PHACTR1: variants seen among roughly 807,000 people sequenced by gnomAD.
PHACTR1 encodes RPEL repeat containing 1.
In PHACTR1, 16 loss-of-function variants were observed where a neutral mutation model predicts 69.2. The observed-to-expected ratio is 0.23, with a 90% CI of 0.16 to 0.35. The LOEUF (loss-of-function observed/expected upper bound fraction) is 0.35. Ranked by LOEUF, PHACTR1 falls within the 10% of genes least tolerant of loss-of-function variation. PHACTR1 has a pLI of 1.00. For missense variants in PHACTR1, 510 were observed against 734.7 expected (o/e 0.69, Z 3.54); for synonymous variants, 312 against 284.5 (o/e 1.10, Z -0.97).
chr6:13,046,442 G>A (rs1805062531), intron 4 of PHACTR1, among the ~76,000 whole-genome samples: 1 of 152,148 alleles, frequency 6.6e-6, no homozygotes. Flanking sequence ...GATGCTAAGG[G>A]ATGGGGTGGA....
At chr6:13,003,972 TATATATACAC>T (rs1562120097) in intron 4 of PHACTR1, among the ~76,000 whole-genome samples, 12 of 132,534 alleles carry the variant, frequency 9.1e-5, no homozygotes, top group Non-Finnish European at 1.6e-4. Flanking sequence ...TATGTATATA[TATATATACAC>T]ATATATATAT....
At chr6:12,983,179 C>T (rs1795724693) in intron 4 of PHACTR1, among the ~76,000 whole-genome samples, 2 of 152,126 alleles carry the variant, frequency 1.3e-5, no homozygotes, top group African/African-American at 4.8e-5. Context: ...GTGGATAGCA[C>T]TGAAAATACA....
intron 4 of PHACTR1, among the ~76,000 whole-genome samples, chr6:12,791,968 A>G (rs558111432): frequency 6.6e-5 from 10 of 152,316 alleles, no homozygotes; most frequent in Non-Finnish European, 1.0e-4. Flanking sequence ...GAGGGATATA[A>G]AGTAATGGGT....
chr6:13,058,686 A>T (rs1807168452), intron 5 of PHACTR1, among the ~76,000 whole-genome samples: 1 of 152,180 alleles, frequency 6.6e-6, no homozygotes, highest in Non-Finnish European at 1.5e-5. Flanking sequence ...GAGGTCAGGG[A>T]AACTTTCCTA....
At chr6:12,872,338 A>G (rs1782113897) in intron 4 of PHACTR1, among the ~76,000 whole-genome samples, 1 of 152,212 alleles carries the variant, frequency 6.6e-6, no homozygotes, top group African/African-American at 2.4e-5. Flanking sequence ...TTAAAGATGG[A>G]TGATGGATGC....
At chr6:12,844,853 C>T (rs4714913) in intron 4 of PHACTR1, among the ~76,000 whole-genome samples, 28,710 of 151,880 alleles carry the variant, frequency 0.19, 2,915 homozygotes, top group African/African-American at 0.26. Flanking sequence ...AAAAGCAATC[C>T]GTGGGCCTAG....
At chr6:12,942,850 A>C (rs1790193736) in intron 4 of PHACTR1, among the ~76,000 whole-genome samples, 1 of 152,146 alleles carries the variant, frequency 6.6e-6, no homozygotes, top group Non-Finnish European at 1.5e-5. Flanking sequence ...ACATATCCCA[A>C]AGCTCCATAG....
intron 6 of PHACTR1, among the ~76,000 whole-genome samples, chr6:13,163,271 T>C (rs182469582): frequency 6.6e-6 from 1 of 152,274 alleles, no homozygotes; most frequent in Non-Finnish European, 1.5e-5. Context: ...AGTAAATCTG[T>C]ACATACATAC....
intron 5 of PHACTR1, among the ~76,000 whole-genome samples, chr6:13,071,083 G>A (rs1178408494): frequency 6.6e-6 from 1 of 152,096 alleles, no homozygotes; most frequent in Non-Finnish European, 1.5e-5. Context: ...GTTGGGTGAA[G>A]GCAATTTGTG....
intron 4 of PHACTR1, among the ~76,000 whole-genome samples, chr6:12,757,633 G>C (rs1767488261): frequency 6.6e-6 from 1 of 152,170 alleles, no homozygotes; most frequent in Non-Finnish European, 1.5e-5. Context: ...GATACAGCCA[G>C]TATGCGTTCA....
intron 4 of PHACTR1, among the ~76,000 whole-genome samples, chr6:12,870,575 C>T (rs1281120409): frequency 1.3e-5 from 2 of 152,198 alleles, no homozygotes; most frequent in Non-Finnish European, 2.9e-5. Context: ...CTACATCAGG[C>T]ACATCTATAA....
intron 4 of PHACTR1, among the ~76,000 whole-genome samples, chr6:12,758,101 A>G (rs1767568925): frequency 6.6e-6 from 1 of 151,212 alleles, no homozygotes; most frequent in African/African-American, 2.4e-5. Context: ...GACAAAGTGA[A>G]ACTCTGTCTC....
At chr6:13,191,100 A>G (rs1275441224) in intron 7 of PHACTR1, among the ~76,000 whole-genome samples, 2 of 151,518 alleles carry the variant, frequency 1.3e-5, no homozygotes, top group Non-Finnish European at 2.9e-5. Context: ...CACATTCCCA[A>G]CCCTCCATGT....
chr6:12,788,813 T>G (rs1771868341), intron 4 of PHACTR1, among the ~76,000 whole-genome samples: 1 of 152,112 alleles, frequency 6.6e-6, no homozygotes, highest in Admixed American at 6.6e-5. Context: ...AACCCTAAAG[T>G]AACAAGAGGA....
intron 3 of PHACTR1, among the ~76,000 whole-genome samples, chr6:12,730,746 C>T (rs945646669): frequency 6.6e-6 from 1 of 152,108 alleles, no homozygotes; most frequent in Non-Finnish European, 1.5e-5. Flanking sequence ...GACCCTCTCC[C>T]TCCTCCCACC....
At chr6:12,901,950 A>C (rs1231411379) in intron 4 of PHACTR1, among the ~76,000 whole-genome samples, 1 of 152,180 alleles carries the variant, frequency 6.6e-6, no homozygotes, top group Non-Finnish European at 1.5e-5. Flanking sequence ...TTTGCTCTCC[A>C]GGGGACATTT....
chr6:12,840,406 G>A (rs1249356631), intron 4 of PHACTR1, among the ~76,000 whole-genome samples: 1 of 152,038 alleles, frequency 6.6e-6, no homozygotes, highest in Non-Finnish European at 1.5e-5. Flanking sequence ...CTGTTAACTT[G>A]CTCCATCATG....
chr6:12,785,455 G>C (rs1771424547), intron 4 of PHACTR1, among the ~76,000 whole-genome samples: 1 of 152,174 alleles, frequency 6.6e-6, no homozygotes, highest in Non-Finnish European at 1.5e-5. Context: ...TCTTATGCCT[G>C]GATGTCTTGA....
intron 7 of PHACTR1, among the ~76,000 whole-genome samples, chr6:13,184,458 G>A (rs1762575412): frequency 6.6e-6 from 1 of 152,202 alleles, no homozygotes; most frequent in Non-Finnish European, 1.5e-5. Context: ...TTCCTGCTGT[G>A]CCCCATGAGT....
Sources: allele counts gnomAD v4.1 joint callset (sites outside exome capture counted in the v4.1 genomes callset), GRCh38; gene constraint gnomAD v4.1.1; transcripts MANE v1.5; gene names NCBI Gene and HGNC (gene_info 2026-07-23, HGNC 2026-07-21).